The following MDM1 variants were observed in gnomAD, a reference collection of about 807,000 sequenced individuals.
MDM1 encodes the protein Mdm1 nuclear protein.
In MDM1, 61 loss-of-function variants were observed where a neutral mutation model predicts 89.1. The observed-to-expected ratio is 0.68, with a 90% confidence interval of 0.56 to 0.85. The LOEUF (loss-of-function observed/expected upper bound fraction) is 0.85. Ranked by LOEUF, MDM1 falls within the 40% of genes least tolerant of loss-of-function variation. The probability of loss-of-function intolerance (pLI) is 0.00; values close to 1 mark genes in which losing one functional copy is unlikely to be tolerated. For missense variants in MDM1, 820 were observed against 846.5 expected, an observed-to-expected ratio of 0.97 and a Z score of 0.39; for synonymous variants, 290 against 294.1, an observed-to-expected ratio of 0.99 and a Z score of 0.14.
At position 68,331,184 on chromosome 12, in the gene MDM1, T is replaced by C; in HGVS notation, c.56A>G (p.Lys19Arg). Residue 19 changes from lysine (K) to arginine (R), a missense_variant, in exon 2 of 15, where the codon AAG becomes AGG. By Grantham distance (26) the Lys-to-Arg change is conservative. Coordinates refer to ENST00000682720, the MANE Select transcript of MDM1 (RefSeq NM_001354969.2). The part of the protein sequence containing the change: ...SEYQRNFLWK[K>R]SYLSESCNSS... ...ATTACAAGACTCGGACAAATAAGAC[T>C]TTTTCCACAGGAAGTTCCTCTGGTA... The C allele has an allele frequency of 6.2e-7, 1 of 1,610,740 alleles. No homozygotes were observed. Among genetic ancestry groups the C allele is most frequent in the South Asian group, 1.1e-5 (1 of 91,016 alleles).
chr12:68,330,326 A>G (rs979342522), intron 2 of MDM1, among the ~76,000 whole-genome samples: 2 of 152,176 alleles, frequency 1.3e-5, no homozygotes, highest in Admixed American at 1.3e-4. Flanking sequence ...CTAGGGAGAA[A>G]GAGAGTTTTT....
At chr12:68,329,300 C>T (rs1390000303) in intron 2 of MDM1, among the ~76,000 whole-genome samples, 1 of 152,198 alleles carries the variant, frequency 6.6e-6, no homozygotes. Flanking sequence ...CTAAAAGAGA[C>T]ACTCACTCTT....
At chr12:68,305,854 T>C (rs1872792992) in intron 12 of MDM1, among the ~76,000 whole-genome samples, 1 of 148,458 alleles carries the variant, frequency 6.7e-6, no homozygotes, top group Non-Finnish European at 1.5e-5. Context: ...ATGCAATTCC[T>C]ATCCAATTAC....
chr12:68,332,303 G>C lies in MDM1; in HGVS notation c.-58C>G. On this transcript the variant is annotated 5_prime_UTR_variant, in exon 1 of 15. Coordinates refer to ENST00000682720, the MANE Select transcript of MDM1 (RefSeq NM_001354969.2). ...CAGTTAACTGGAGAAAAAGCTCCGA[G>C]GGGGCGGGGCGATAACAGTGTTCCC... The C allele has an allele frequency of 6.5e-7, 1 of 1,533,548 alleles. No homozygotes were observed. The highest frequency in any genetic ancestry group is 2.4e-5 in the East Asian group (1 of 41,718). 95.0% of individuals were successfully genotyped at this position (1,533,548 alleles called of 1,614,324 possible).
At chr12:68,321,282 G>C (rs1875186481) in intron 7 of MDM1, 65 bp downstream of exon 7, 3 of 1,252,992 alleles carry the variant, frequency 2.4e-6, no homozygotes, top group Non-Finnish European at 3.4e-6. Context: ...GGAACTCGTT[G>C]TGAAATTAAA....
At chr12:68,306,893 A>G (rs1229858255) in intron 12 of MDM1, among the ~76,000 whole-genome samples, 1 of 152,234 alleles carries the variant, frequency 6.6e-6, no homozygotes, top group Admixed American at 6.5e-5. Flanking sequence ...CTGCACTCAT[A>G]GGTTTATTCC....
chr12:68,317,047 T>A (rs1002038539), intron 7 of MDM1, among the ~76,000 whole-genome samples: 69 of 151,504 alleles, frequency 4.6e-4, no homozygotes, highest in South Asian at 1.5e-3. Flanking sequence ...TTTTTTTTTT[T>A]AAAAAAGTAC....
At chr12:68,331,512 G>C (rs1166854828) in intron 1 of MDM1, among the ~76,000 whole-genome samples, 4 of 152,148 alleles carry the variant, frequency 2.6e-5, no homozygotes. Context: ...GTTCTTGTCG[G>C]ATAACTAATG....
At chr12:68,312,536 A>G (rs1265730031) in intron 12 of MDM1, among the ~76,000 whole-genome samples, 1 of 152,198 alleles carries the variant, frequency 6.6e-6, no homozygotes, top group Non-Finnish European at 1.5e-5. Context: ...TGGATAGAGT[A>G]AGTGACTCCC....
chr12:68,302,881 C>CCAA lies in MDM1; in HGVS notation c.1750-10_1750-9insTTG. On this transcript the variant is annotated splice_polypyrimidine_tract_variant and intron_variant, in intron 12 of 14. Transcript: ENST00000682720. The stretch of plus-strand genomic sequence containing the variant: ...ACAGCACGACTTTCTTTCTAAATGA[C>CCAA]AAAAAAAAAAAAAAAAAAAAGATGC... 1 of 1,103,228 alleles carries CCAA rather than the reference C, an allele frequency of 9.1e-7. No homozygotes were observed. Among genetic ancestry groups the CCAA allele is most frequent in the Non-Finnish European group, 1.1e-6 (1 of 874,730 alleles). The allele number at this position is 1,103,228 out of a possible 1,614,324, so 68.3% of individuals were successfully genotyped here.
intron 7 of MDM1, among the ~76,000 whole-genome samples, chr12:68,320,468 C>T (rs893040674): frequency 6.6e-6 from 1 of 152,156 alleles, no homozygotes; most frequent in Admixed American, 6.5e-5. Context: ...GCATGGCAGT[C>T]GCCAGGACAT....
chr12:68,320,987 AAATT>A, intron 7 of MDM1: 1 of 168,126 alleles, frequency 5.9e-6, no homozygotes, highest in East Asian at 1.7e-4. Flanking sequence ...ACTATCAGAT[AAATT>A]ATTTCATCTT....
intron 7 of MDM1, among the ~76,000 whole-genome samples, chr12:68,317,125 TA>T (rs1874604670): frequency 6.6e-6 from 1 of 151,984 alleles, no homozygotes; most frequent in Admixed American, 6.5e-5. Flanking sequence ...AGGGACAGGA[TA>T]AAAAAGTTCT....
chr12:68,327,594 A>G (rs1359696188), intron 2 of MDM1: 3 of 1,352,658 alleles, frequency 2.2e-6, no homozygotes, highest in Non-Finnish European at 3.1e-6. Context: ...CAAATGTCCA[A>G]AAACTTAACC....
intron 5 of MDM1, 22 bp from the exon 6 acceptor site, chr12:68,321,650 CTTTTT>C: frequency 3.3e-6 from 5 of 1,493,642 alleles, no homozygotes; most frequent in East Asian, 2.3e-5. Flanking sequence ...ATCATTTAAG[CTTTTT>C]ATGCTTAAGA....
Position 68,302,769 on chromosome 12 carries a change from A to G in MDM1, c.1853T>C (p.Phe618Ser), listed in dbSNP as rs1190441700. The change falls in exon 13 of 15, where the codon TTT becomes TCT. Residue 618 changes from phenylalanine to serine, a missense_variant. Phe to Ser is a radical substitution (Grantham distance 155). Coordinates refer to ENST00000682720, the MANE Select transcript of MDM1 (RefSeq NM_001354969.2). Reference protein sequence around the residue: ...REDSEDNIHKFAEATLPVSKI... With the variant: ...REDSEDNIHKSAEATLPVSKI... Reference sequence around the variant, plus strand: ...TGAAACTGGAAGAGTTGCCTCAGCAAATTTGTGGATATTGTCTTCAGAATC... The same window carrying G: ...TGAAACTGGAAGAGTTGCCTCAGCAGATTTGTGGATATTGTCTTCAGAATC... The G allele has an allele frequency of 1.2e-6, 2 of 1,613,924 alleles. No homozygotes were observed. The highest frequency in any genetic ancestry group is 4.5e-5 in the East Asian group (2 of 44,874).
At chr12:68,304,586 CT>C (rs200134795) in intron 12 of MDM1, among the ~76,000 whole-genome samples, 4 of 151,366 alleles carry the variant, frequency 2.6e-5, no homozygotes, top group South Asian at 2.1e-4. Flanking sequence ...AGAAATTGTT[CT>C]TTTTTTTTCC....
intron 7 of MDM1, among the ~76,000 whole-genome samples, chr12:68,320,413 C>A (rs1565780457): frequency 6.6e-6 from 1 of 152,168 alleles, no homozygotes; most frequent in African/African-American, 2.4e-5. Context: ...AAAGAGTGGC[C>A]ACGGTGGAAG....
intron 12 of MDM1, among the ~76,000 whole-genome samples, chr12:68,308,090 T>C (rs1873161816): frequency 6.6e-6 from 1 of 151,828 alleles, no homozygotes; most frequent in South Asian, 2.1e-4. Context: ...CTCTGGGTTC[T>C]TGCCCTAGGG....
Sources: allele counts gnomAD v4.1 joint callset (sites outside exome capture counted in the v4.1 genomes callset), GRCh38; gene constraint gnomAD v4.1.1; transcripts MANE v1.5; gene names NCBI Gene and HGNC (gene_info 2026-07-23, HGNC 2026-07-21).